Variants in PANK1 observed in about 807,000 individuals in gnomAD.
The protein encoded by PANK1 is pantothenic acid kinase 1.
A neutral mutation model predicts 40.1 loss-of-function variants in PANK1; 18 were observed. The observed-to-expected ratio is 0.45, with a 90% CI of 0.31 to 0.67. The LOEUF is 0.67. PANK1 is among the 30% of genes least tolerant of loss of function. The probability of loss-of-function intolerance (pLI) is 0.06; values close to 1 mark genes in which losing one functional copy is unlikely to be tolerated. For missense variants in PANK1, 457 were observed against 599.6 expected (o/e 0.76, Z 2.48); for synonymous variants, 242 against 237.7 (o/e 1.02, Z -0.17).
chr10:89,628,927 CT>C (rs1274120595), intron 1 of PANK1, among the ~76,000 whole-genome samples: 1 of 152,150 alleles, frequency 6.6e-6, no homozygotes, highest in African/African-American at 2.4e-5. Flanking sequence ...TTTGAATCTT[CT>C]TTTGTCTCTA....
At chr10:89,593,526 T>TG (rs34654344) in intron 4 of PANK1, among the ~76,000 whole-genome samples, 25,135 of 146,872 alleles carry the variant, frequency 0.17, 2,548 homozygotes, top group East Asian at 0.51. Flanking sequence ...TGTCCATTAA[T>TG]GGGGGGGGAA....
At position 89,645,012 on chromosome 10, in the gene PANK1, C is replaced by G. The variant is rs1477816264; in HGVS notation, c.-121G>C. 2 of 1,567,186 alleles carry G rather than the reference C, an allele frequency of 1.3e-6. No individual in the cohort carries two copies. The highest frequency in any genetic ancestry group is 1.7e-6 in the Non-Finnish European group (2 of 1,160,572). On this transcript the variant is annotated 5_prime_UTR_variant, in exon 1 of 7. Coordinates refer to ENST00000307534, the MANE Select transcript of PANK1 (RefSeq NM_148977.3). ...GCTTCCGATTCAGCAGCCGCAGAGCCGGCGCCTGGGGATGGCGAACCCGGC... is the reference window on the plus strand; with the variant it reads ...GCTTCCGATTCAGCAGCCGCAGAGCGGGCGCCTGGGGATGGCGAACCCGGC...
intron 1 of PANK1, among the ~76,000 whole-genome samples, chr10:89,626,864 C>T (rs989336833): frequency 6.6e-6 from 1 of 152,126 alleles, no homozygotes; most frequent in Admixed American, 6.5e-5. Flanking sequence ...AGAGGTTTAG[C>T]TTTCTGTCTT....
intron 1 of PANK1, among the ~76,000 whole-genome samples, chr10:89,638,870 C>T (rs947806984): frequency 1.3e-5 from 2 of 152,220 alleles, no homozygotes; most frequent in South Asian, 2.1e-4. Context: ...CTACAGCTCT[C>T]CTCCTCTTCT....
chr10:89,630,761 G>T (rs905942292), intron 1 of PANK1, among the ~76,000 whole-genome samples: 24 of 152,204 alleles, frequency 1.6e-4, no homozygotes, highest in Non-Finnish European at 3.5e-4. Flanking sequence ...CGAAGTGCTG[G>T]AATTACAGGC....
chr10:89,637,468 T>C (rs766228397), intron 1 of PANK1, among the ~76,000 whole-genome samples: 3 of 152,256 alleles, frequency 2.0e-5, no homozygotes, highest in Non-Finnish European at 4.4e-5. Context: ...CTGTACAGCA[T>C]GTTACTGTGC....
intron 1 of PANK1, among the ~76,000 whole-genome samples, chr10:89,612,291 G>C (rs1336435765): frequency 6.6e-6 from 1 of 152,184 alleles, no homozygotes; most frequent in East Asian, 1.9e-4. Flanking sequence ...AGTGAGATGA[G>C]AAATAGGATT....
rs184161244 is a variant in PANK1 at position 89,620,253 on chromosome 10, C to T, written c.293-8205G>A. 3.5e-3 allele frequency among the ~76,000 whole-genome samples: 533 copies of T among 152,256 alleles called. 15 individuals carry two copies. Among genetic ancestry groups the T allele is most frequent in the Admixed American group, 0.032 (484 of 15,300 alleles). On this transcript the variant is annotated intron_variant, in intron 1 of 6. Coordinates refer to ENST00000307534, the MANE Select transcript of PANK1 (RefSeq NM_148977.3). ...GATTTTCAGGGAACAAGGGAGATAA[C>T]CGTAAGGCCAAACTGCCTGCAGGGC...
At chr10:89,614,342 G>C (rs1845253698) in intron 1 of PANK1, among the ~76,000 whole-genome samples, 1 of 152,166 alleles carries the variant, frequency 6.6e-6, no homozygotes, top group East Asian at 1.9e-4. Context: ...AAGTATTCCA[G>C]GATAGGCATA....
rs532617271 is a variant in PANK1, at chr10:89,623,521, C to A, written c.293-11473G>T. 1.9e-4 allele frequency among the ~76,000 whole-genome samples: 27 copies of A among 144,256 alleles called. No individual in the cohort carries two copies. In the South Asian group the frequency reaches 5.1e-3, roughly 27 times the overall value. 94.6% of individuals were successfully genotyped at this position (144,256 alleles called of 152,430 possible). Reference sequence around the variant, plus strand: ...TACAGGCATGAGCCACCGTGCCTGGCCCAATTTTTTTTTTTTTAAATAATC... The same window carrying A: ...TACAGGCATGAGCCACCGTGCCTGGACCAATTTTTTTTTTTTTAAATAATC... On this transcript the variant is annotated intron_variant, in intron 1 of 6. Transcript: ENST00000307534.
At chr10:89,623,982 C>A (rs529968035) in intron 1 of PANK1, among the ~76,000 whole-genome samples, 4 of 152,208 alleles carry the variant, frequency 2.6e-5, no homozygotes, top group African/African-American at 9.7e-5. Flanking sequence ...GGGATGGAAT[C>A]GCTGTGGGAC....
intron 1 of PANK1, among the ~76,000 whole-genome samples, chr10:89,616,219 A>G (rs1384729401): frequency 6.6e-6 from 1 of 152,238 alleles, no homozygotes; most frequent in African/African-American, 2.4e-5. Context: ...TGATGTTCAT[A>G]AAACCAAGTG....
At chr10:89,621,304 T>TA (rs11400272) in intron 1 of PANK1, among the ~76,000 whole-genome samples, 47,233 of 146,808 alleles carry the variant, frequency 0.32, 8,216 homozygotes, top group African/African-American at 0.47. Context: ...CTCTGTCTCA[T>TA]AAAAAAAAAA....
intron 2 of PANK1, among the ~76,000 whole-genome samples, chr10:89,608,432 C>T (rs7090164): frequency 0.55 from 83,609 of 152,028 alleles, 23,692 homozygotes; most frequent in South Asian, 0.63. Context: ...AAAGTGCAGA[C>T]CTGTTCAACT....
intron 2 of PANK1, among the ~76,000 whole-genome samples, chr10:89,604,832 G>A (rs1437026728): frequency 6.6e-6 from 1 of 151,618 alleles, no homozygotes; most frequent in African/African-American, 2.4e-5. Context: ...CTCGCTGCAA[G>A]CTCCGTCTCC....
intron 2 of PANK1, among the ~76,000 whole-genome samples, chr10:89,604,466 C>T (rs533913730): frequency 2.6e-5 from 4 of 152,122 alleles, no homozygotes; most frequent in Admixed American, 1.3e-4. Context: ...CCTAGGCAGG[C>T]GGATCACTTG....
intron 1 of PANK1, among the ~76,000 whole-genome samples, chr10:89,643,085 G>C: frequency 6.6e-6 from 1 of 152,168 alleles, no homozygotes; most frequent in Admixed American, 6.5e-5. Flanking sequence ...TTCCTCAGAA[G>C]TTATTTCAAG....
intron 2 of PANK1, among the ~76,000 whole-genome samples, chr10:89,601,335 AG>A (rs1315025525): frequency 8.0e-5 from 10 of 124,402 alleles, no homozygotes; most frequent in Non-Finnish European, 1.6e-4. Flanking sequence ...AAAAAAAAAA[AG>A]CCTGGTGTGG....
intron 1 of PANK1, among the ~76,000 whole-genome samples, chr10:89,634,029 G>A (rs1351462280): frequency 1.3e-5 from 2 of 152,160 alleles, no homozygotes; most frequent in Non-Finnish European, 2.9e-5. Flanking sequence ...TAAATACCTC[G>A]TGAGCTGTTA....
Sources: allele counts gnomAD v4.1 joint callset (sites outside exome capture counted in the v4.1 genomes callset), GRCh38; gene constraint gnomAD v4.1.1; transcripts MANE v1.5; gene names NCBI Gene and HGNC (gene_info 2026-07-23, HGNC 2026-07-21).